The following MTDH variants were observed in gnomAD, a reference collection of about 807,000 sequenced individuals.
MTDH encodes the protein metadherin.
A neutral mutation model predicts 72.7 loss-of-function variants in MTDH; 34 were observed. The observed-to-expected ratio is 0.47, with a 90% confidence interval of 0.36 to 0.62. The LOEUF (loss-of-function observed/expected upper bound fraction) is 0.62. Ranked by LOEUF, MTDH falls within the 20% of genes least tolerant of loss-of-function variation. The pLI is 0.00. For synonymous variants in MTDH, 266 were observed against 268.9 expected (o/e 0.99, Z 0.10); for missense variants, 677 against 699.4 (o/e 0.97, Z 0.36).
At chr8:97,686,607 C>G in intron 2 of MTDH, 61 bp from the exon 3 acceptor site, 2 of 993,766 alleles carry the variant, frequency 2.0e-6, no homozygotes, top group East Asian at 3.1e-5. Flanking sequence ...ATGTATTTTA[C>G]TGACTCCTAC....
At chr8:97,707,528 A>T (rs1814413951) in intron 8 of MTDH, among the ~76,000 whole-genome samples, 1 of 140,148 alleles carries the variant, frequency 7.1e-6, no homozygotes, top group Non-Finnish European at 1.5e-5. Flanking sequence ...TCAGCCTCTC[A>T]AAGTGCTGGG....
At chr8:97,688,127 T>A (rs958145392) in intron 4 of MTDH, among the ~76,000 whole-genome samples, 49 of 152,172 alleles carry the variant, frequency 3.2e-4, no homozygotes, top group African/African-American at 1.1e-3. Flanking sequence ...CTCTCAAGTA[T>A]TAATATTTCA....
At chr8:97,722,323 C>T (rs761217740) in intron 10 of MTDH, among the ~76,000 whole-genome samples, 6 of 152,112 alleles carry the variant, frequency 3.9e-5, no homozygotes, top group Non-Finnish European at 5.9e-5. Context: ...AAAGTTAGGC[C>T]GGGCGTGGTT....
intron 8 of MTDH, 130 bp from the exon 9 acceptor site, chr8:97,713,532 T>C: frequency 3.7e-6 from 2 of 547,394 alleles, no homozygotes; most frequent in South Asian, 5.8e-5. Flanking sequence ...GTATTACTTA[T>C]TACTAGTTTT....
At chr8:97,680,158 G>A (rs1341147283) in intron 2 of MTDH, among the ~76,000 whole-genome samples, 2 of 152,010 alleles carry the variant, frequency 1.3e-5, no homozygotes, top group African/African-American at 4.8e-5. Context: ...CTGCAACCTC[G>A]ACCTCCTGGG....
At chr8:97,699,609 C>G in intron 6 of MTDH, 145 bp from the exon 7 acceptor site, 1 of 550,434 alleles carries the variant, frequency 1.8e-6, no homozygotes, top group Non-Finnish European at 3.2e-6. Context: ...TTCCTTTTAA[C>G]TTAATTCTTT....
At chr8:97,671,027 G>T (rs1345528319) in intron 2 of MTDH, among the ~76,000 whole-genome samples, 4 of 141,926 alleles carry the variant, frequency 2.8e-5, no homozygotes, top group Non-Finnish European at 6.0e-5. Flanking sequence ...CTGCAGTGGC[G>T]CAATCTCGGC....
chr8:97,706,676 G>A lies in MTDH; in HGVS notation c.1198G>A (p.Glu400Lys), dbSNP rs1483968784. Residue 400 changes from glutamate to lysine, a missense_variant, in exon 8 of 12, where the codon GAG becomes AAG. Physicochemically the swap from Glu to Lys is moderately conservative, Grantham distance 56 (BLOSUM62 1). This residue lies in a region of MTDH where 9 missense variants were observed against 25.8 expected (regional missense o/e 0.35). Transcript: ENST00000336273. ...PNSDWNAPAE[E>K]WGNWVDEERA... ...CTCTGATTGGAATGCACCAGCAGAA[G>A]AGTGGGGCAATTGGGTAGACGAAGA... 2 of 1,613,788 alleles carry A rather than the reference G, an allele frequency of 1.2e-6. No individual in the cohort carries two copies. Among genetic ancestry groups the A allele is most frequent in the Non-Finnish European group, 8.5e-7 (1 of 1,179,882 alleles).
At chr8:97,645,845 G>C (rs1811544939) in intron 1 of MTDH, among the ~76,000 whole-genome samples, 1 of 152,176 alleles carries the variant, frequency 6.6e-6, no homozygotes, top group Non-Finnish European at 1.5e-5. Context: ...AGGGTATGCA[G>C]AGTTAGAAAC....
intron 2 of MTDH, among the ~76,000 whole-genome samples, chr8:97,679,164 A>G (rs1464722144): frequency 6.6e-6 from 1 of 152,174 alleles, no homozygotes; most frequent in Non-Finnish European, 1.5e-5. Flanking sequence ...TTTCTTATCT[A>G]CAAAATGGAT....
rs566903668 is a variant in MTDH, at chr8:97,702,470, T to C, written c.1147+2618T>C. Among the ~76,000 whole-genome samples the C allele has an allele frequency of 3.3e-5, 5 of 152,304 alleles. No homozygotes were observed. In the East Asian group the frequency reaches 9.6e-4, roughly 29 times the overall value. ...AGAAGATTAAATGAGTTAATACATA[T>C]AAAGCTCTTAGAACACTGCCTCACA... is the stretch of plus-strand genomic sequence containing the variant. On this transcript the variant is annotated intron_variant, in intron 7 of 11. Transcript: ENST00000336273.
chr8:97,711,350 A>AG (rs1396993009), intron 8 of MTDH, among the ~76,000 whole-genome samples: 2 of 151,526 alleles, frequency 1.3e-5, no homozygotes, highest in Non-Finnish European at 2.9e-5. Context: ...AAAAAAAAAA[A>AG]AAAGAAAAAT....
chr8:97,724,536 G>T, intron 11 of MTDH, 64 bp from the exon 12 acceptor site: 3 of 1,068,400 alleles, frequency 2.8e-6, no homozygotes, highest in Non-Finnish European at 2.7e-6. Context: ...TTATATTATT[G>T]AGACGTAACA....
intron 2 of MTDH, among the ~76,000 whole-genome samples, chr8:97,682,280 A>ATTT (rs1175139487): frequency 5.5e-4 from 2 of 3,630 alleles, no homozygotes; most frequent in African/African-American, 8.2e-4. Context: ...ATATATATAT[A>ATTT]TTTTTTTTTT....
chr8:97,667,849 A>G (rs1812452143), intron 2 of MTDH, among the ~76,000 whole-genome samples: 1 of 151,578 alleles, frequency 6.6e-6, no homozygotes, highest in Non-Finnish European at 1.5e-5. Flanking sequence ...AAAAAAAAAA[A>G]AGGAAGAAAT....
At chr8:97,686,120 A>G (rs1295506820) in intron 2 of MTDH, among the ~76,000 whole-genome samples, 1 of 152,262 alleles carries the variant, frequency 6.6e-6, no homozygotes, top group Non-Finnish European at 1.5e-5. Flanking sequence ...TTAATTTGTT[A>G]TACATAGGAT....
chr8:97,679,407 A>G (rs1298788740), intron 2 of MTDH, among the ~76,000 whole-genome samples: 1 of 152,190 alleles, frequency 6.6e-6, no homozygotes, highest in Non-Finnish European at 1.5e-5. Flanking sequence ...CTACAGTTCA[A>G]TACAGAAACA....
In MTDH at chr8:97,644,345, C is replaced by G; in HGVS notation, c.-162C>G. On this transcript the variant is annotated 5_prime_UTR_variant, in exon 1 of 12. Transcript: ENST00000336273. The stretch of plus-strand genomic sequence containing the variant: ...GGAACCTGGGAGACCCCTCCGCCCT[C>G]CCCGCGGTGGCAGCGGCCGATCCCC... 2.1e-6 allele frequency: 2 copies of G among 959,584 alleles called. No homozygotes were observed. The highest frequency in any genetic ancestry group is 2.9e-6 in the Non-Finnish European group (2 of 685,458). The allele number at this position is 959,584 out of a possible 1,614,324, so 59.4% of individuals were successfully genotyped here.
chr8:97,728,966 C>T lies in MTDH; in HGVS notation c.*4296C>T, dbSNP rs1454677977. Among the ~76,000 whole-genome samples the T allele has an allele frequency of 6.7e-6, 1 of 149,468 alleles. No individual in the cohort carries two copies. The highest frequency in any genetic ancestry group is 2.5e-5 in the African/African-American group (1 of 40,634). ...TCACTCTGTTGCCCAGGCTGGAGTG[C>T]AGTGGCACACTTCTGGCTCACTTCA... On this transcript the variant is annotated 3_prime_UTR_variant, in exon 12 of 12. Coordinates refer to ENST00000336273, the MANE Select transcript of MTDH (RefSeq NM_178812.4).
Sources: allele counts gnomAD v4.1 joint callset (sites outside exome capture counted in the v4.1 genomes callset), GRCh38; gene constraint gnomAD v4.1.1; regional missense constraint gnomAD v4.1.1; transcripts MANE v1.5; gene names NCBI Gene and HGNC (gene_info 2026-07-23, HGNC 2026-07-21).